SEL1L3: variants seen among roughly 807,000 people sequenced by gnomAD.
The protein encoded by SEL1L3 is protein sel-1 homolog 3.
A neutral mutation model predicts 142.8 loss-of-function variants in SEL1L3; 76 were observed. The observed-to-expected ratio is 0.53, with a 90% confidence interval of 0.44 to 0.64. The LOEUF is 0.64. SEL1L3 is among the 30% of genes least tolerant of loss of function. SEL1L3 has a pLI of 0.00. For missense variants in SEL1L3, 1,262 were observed against 1,381.7 expected (o/e 0.91, Z 1.37); for synonymous variants, 504 against 519.6 (o/e 0.97, Z 0.41).
At chr4:25,817,725 T>G (rs1714479547) in intron 9 of SEL1L3, among the ~76,000 whole-genome samples, 1 of 152,196 alleles carries the variant, frequency 6.6e-6, no homozygotes. Context: ...GGCCCAGTCT[T>G]GCCAGATCTT....
chr4:25,776,303 G>T lies in SEL1L3; in HGVS notation c.2643C>A (p.Gly881=). 6.2e-7 allele frequency: 1 copy of T among 1,612,780 alleles called. No homozygotes were observed. The highest frequency in any genetic ancestry group is 1.3e-5 in the African/African-American group (1 of 74,964). ...NGYLGHVIRK[G]LNAYLEGSWH... ...ATGAACCTTCCAGGTAGGCATTGAGGCCTTTGCGGATGACATGGCCCAAGT... is the reference window on the plus strand; with the variant it reads ...ATGAACCTTCCAGGTAGGCATTGAGTCCTTTGCGGATGACATGGCCCAAGT... Residue 881 remains glycine, a synonymous_variant, in exon 17 of 24, where the codon GGC becomes GGA. Transcript: ENST00000399878.
At chr4:25,855,327 A>C (rs182275277) in intron 1 of SEL1L3, among the ~76,000 whole-genome samples, 67 of 152,368 alleles carry the variant, frequency 4.4e-4, no homozygotes, top group African/African-American at 1.6e-3. Context: ...GGTTGCATTA[A>C]CACAAGCTAA....
chr4:25,814,182 G>GA (rs35388852), intron 9 of SEL1L3, among the ~76,000 whole-genome samples: 1,534 of 150,232 alleles, frequency 0.01, 25 homozygotes, highest in African/African-American at 0.035. Context: ...AAAAATTCCA[G>GA]AAAAAAAAAA....
the SEL1L3 span, among the ~76,000 whole-genome samples, chr4:25,714,278 C>CA: frequency 2.0e-5 from 3 of 152,038 alleles, no homozygotes; most frequent in African/African-American, 7.2e-5. Context: ...TGATCATTTT[C>CA]TATGTGAAAA....
rs1039108281 is a variant in SEL1L3 at position 25,798,224 on chromosome 4, TTTG to T, written c.1956+4056_1956+4058del. Among the ~76,000 whole-genome samples, 5 of 152,130 alleles carry T rather than the reference TTTG, an allele frequency of 3.3e-5. No individual in the cohort carries two copies. In the South Asian group the frequency reaches 1.0e-3, roughly 32 times the overall value. ...GGGTACAATCCCCTGAGGACTGTAT[TTTG>T]TTGTTGTTGTTGTTGCTGCCATTTT... On this transcript the variant is annotated intron_variant, in intron 11 of 23. Coordinates refer to ENST00000399878, the MANE Select transcript of SEL1L3 (RefSeq NM_015187.5).
At chr4:25,837,211 T>A (rs564719798) in intron 2 of SEL1L3, among the ~76,000 whole-genome samples, 1 of 150,966 alleles carries the variant, frequency 6.6e-6, no homozygotes, top group South Asian at 2.1e-4. Context: ...ACCAAGGAAG[T>A]TGACATCAGC....
chr4:25,789,665 C>T (rs755351047), intron 12 of SEL1L3, among the ~76,000 whole-genome samples: 4 of 151,572 alleles, frequency 2.6e-5, no homozygotes, highest in Admixed American at 6.6e-5. Context: ...TTCCCTTTCC[C>T]ATCTCTGGGC....
In SEL1L3 at chr4:25,767,513, T is replaced by C. The variant is rs2290577; in HGVS notation, c.2845+12A>G. The C allele has an allele frequency of 0.53, 790,980 of 1,479,986 alleles. 212,986 individuals are homozygous for C. The highest frequency in any genetic ancestry group is 0.58 in the African/African-American group (42,205 of 72,270). The allele number at this position is 1,479,986 out of a possible 1,614,324, so 91.7% of individuals were successfully genotyped here. On this transcript the variant is annotated intron_variant, in intron 19 of 23. Coordinates refer to ENST00000399878, the MANE Select transcript of SEL1L3 (RefSeq NM_015187.5). ...CTAATGCTTCAATTTTGCACCGTTT[T>C]TCTATACATACCAAAGGAAGGAGCA...
intron 15 of SEL1L3, among the ~76,000 whole-genome samples, chr4:25,781,085 T>C (rs1257830624): frequency 6.6e-6 from 1 of 152,034 alleles, no homozygotes; most frequent in East Asian, 1.9e-4. Context: ...GCTCAAGTGA[T>C]CTGCCTGCCT....
intron 6 of SEL1L3, among the ~76,000 whole-genome samples, chr4:25,822,661 G>A (rs77416723): frequency 0.015 from 2,222 of 152,330 alleles, 63 homozygotes; most frequent in African/African-American, 0.051. Flanking sequence ...CAGTTAGGAG[G>A]AGGAGGAGGC....
chr4:25,759,552 C>CA (rs1339225587), intron 20 of SEL1L3: 1 of 156,798 alleles, frequency 6.4e-6, no homozygotes, highest in African/African-American at 2.4e-5. Flanking sequence ...TAAGGGCACT[C>CA]ATCTCAACTT....
the SEL1L3 span, among the ~76,000 whole-genome samples, chr4:25,742,077 G>T: frequency 6.6e-6 from 1 of 151,882 alleles, no homozygotes; most frequent in Non-Finnish European, 1.5e-5. Flanking sequence ...CTCCCAAATT[G>T]CTGGGATTAC....
At chr4:25,765,232 G>A in intron 20 of SEL1L3, 94 bp downstream of exon 20, 1 of 807,082 alleles carries the variant, frequency 1.2e-6, no homozygotes, top group South Asian at 1.4e-5. Flanking sequence ...GACCTCAAGT[G>A]ACCCGCCCCC....
rs1178219036 is a variant in SEL1L3 at position 25,802,411 on chromosome 4, T to C, written c.1828A>G (p.Met610Val). ...TGGTAGTGTTTATACCCAAGATTCA[T>C]TGAAGACAGCCTCTCACTCCCCTGG... ...GGQGSERLSS[M>V]NLGYKHYQGI... is the part of the protein sequence containing the mutation. Residue 610 changes from methionine (M) to valine (V), a missense_variant, in exon 11 of 24, where the codon ATG (methionine) becomes GTG (valine). Physicochemically the swap from Met to Val is conservative, Grantham distance 21. Coordinates refer to ENST00000399878, the MANE Select transcript of SEL1L3 (RefSeq NM_015187.5). 7 of 1,613,774 alleles carry C rather than the reference T, an allele frequency of 4.3e-6. No homozygotes were observed. The highest frequency in any genetic ancestry group is 2.2e-5 in the South Asian group (2 of 91,060).
intron 14 of SEL1L3, 83 bp from the exon 15 acceptor site, chr4:25,782,501 T>C (rs1052300900): frequency 6.5e-5 from 78 of 1,208,916 alleles, no homozygotes; most frequent in Non-Finnish European, 8.4e-5. Context: ...GGAAGCATTC[T>C]GCCTAAGTCT....
At chr4:25,835,081 G>T in intron 3 of SEL1L3, 116 bp downstream of exon 3, 5 of 1,282,456 alleles carry the variant, frequency 3.9e-6, no homozygotes, top group Non-Finnish European at 5.4e-6. Flanking sequence ...CAACATTTTT[G>T]CAAAACACCT....
At chr4:25,741,670 C>T in the SEL1L3 span, among the ~76,000 whole-genome samples, 1 of 152,082 alleles carries the variant, frequency 6.6e-6, no homozygotes, top group Non-Finnish European at 1.5e-5. Flanking sequence ...CTAAATGCAC[C>T]AACTTTGACA....
At position 25,788,323 on chromosome 4, in the gene SEL1L3, C is replaced by T. The variant is rs571739099; in HGVS notation, c.2118G>A (p.Val706=). ...AQMLFWGQQG[V]AKNPEAAIEW... is the part of the protein sequence containing the mutation. ...CAATTGCTGCTTCGGGATTCTTGGCCACACCTTGCTGCCCCCAGAACAGCA... is the reference window on the plus strand; with the variant it reads ...CAATTGCTGCTTCGGGATTCTTGGCTACACCTTGCTGCCCCCAGAACAGCA... Residue 706 remains valine, a synonymous_variant, in exon 13 of 24, where the codon GTG becomes GTA. Transcript: ENST00000399878. The surrounding 1 kb of genome is among the most constrained non-coding windows in gnomAD (Gnocchi z 5.3). The T allele has an allele frequency of 3.7e-6, 6 of 1,613,948 alleles. No individual in the cohort carries two copies. In the Admixed American group the frequency reaches 6.7e-5, roughly 18 times the overall value.
intron 23 of SEL1L3, among the ~76,000 whole-genome samples, chr4:25,752,342 C>T (rs531900037): frequency 7.2e-6 from 1 of 139,340 alleles, no homozygotes; most frequent in African/African-American, 2.8e-5. Flanking sequence ...GCATGAACCC[C>T]GGAGGCGGTG....
Sources: allele counts gnomAD v4.1 joint callset (sites outside exome capture counted in the v4.1 genomes callset), GRCh38; gene constraint gnomAD v4.1.1; non-coding constraint Gnocchi (gnomAD v3.1); transcripts MANE v1.5; gene names NCBI Gene and HGNC (gene_info 2026-07-23, HGNC 2026-07-21).